The following GRID2 variants were observed in gnomAD, a reference collection of about 807,000 sequenced individuals.
GRID2 encodes glutamate ionotropic receptor delta type subunit 2, also known as glutamate receptor ionotropic, delta-2.
GRID2 carries 33 observed loss-of-function variants against 114.8 expected under a neutral mutation model. That is an observed-to-expected ratio of 0.29 (90% CI 0.22 to 0.38). GRID2 has a LOEUF of 0.38. Among genes scored for constraint, GRID2 ranks in the 10% least tolerant of loss-of-function variants. The pLI is 1.00. For synonymous variants in GRID2, 505 were observed against 449.9 expected (o/e 1.12, Z -1.55); for missense variants, 1,184 against 1,257.7 (o/e 0.94, Z 0.89).
chr4:93,715,425 G>A (rs184632631), intron 14 of GRID2, among the ~76,000 whole-genome samples: 172 of 152,194 alleles, frequency 1.1e-3, no homozygotes, highest in Admixed American at 2.0e-3. Flanking sequence ...CTCTTTTGTC[G>A]TTCCATATGA....
chr4:92,397,303 A>T (rs958330254), intron 1 of GRID2, among the ~76,000 whole-genome samples: 1 of 151,706 alleles, frequency 6.6e-6, no homozygotes, highest in Non-Finnish European at 1.5e-5. Flanking sequence ...AAGAAAAAAC[A>T]GCTGAGAGGA....
intron 2 of GRID2, among the ~76,000 whole-genome samples, chr4:92,910,507 T>C (rs1748292735): frequency 6.6e-6 from 1 of 152,178 alleles, no homozygotes; most frequent in African/African-American, 2.4e-5. Flanking sequence ...GTAGAGACAG[T>C]AGGCCACTAA....
At chr4:93,791,421 G>A (rs1303010936) in intron 1 of GRID2, among the ~76,000 whole-genome samples, 3 of 152,054 alleles carry the variant, frequency 2.0e-5, no homozygotes, top group Admixed American at 2.0e-4. Flanking sequence ...AAGGCAAGTT[G>A]AAAATTAGTA....
At chr4:93,574,858 C>A (rs1736267242) in intron 13 of GRID2, among the ~76,000 whole-genome samples, 1 of 152,200 alleles carries the variant, frequency 6.6e-6, no homozygotes, top group African/African-American at 2.4e-5. Context: ...TGAGCTAACA[C>A]AATAAGGGTT....
At chr4:93,151,341 T>C (rs1045233430) in intron 4 of GRID2, among the ~76,000 whole-genome samples, 16 of 151,980 alleles carry the variant, frequency 1.1e-4, no homozygotes, top group African/African-American at 3.9e-4. Context: ...CAGGTGCTTC[T>C]ATCTGCCTCC....
chr4:93,614,251 A>T (rs1161591238), intron 13 of GRID2, among the ~76,000 whole-genome samples: 1 of 152,110 alleles, frequency 6.6e-6, no homozygotes, highest in Non-Finnish European at 1.5e-5. Flanking sequence ...CTCAGATGGA[A>T]ATGCAGAAAT....
At chr4:93,721,312 A>C (rs1486075729) in intron 14 of GRID2, among the ~76,000 whole-genome samples, 1 of 152,220 alleles carries the variant, frequency 6.6e-6, no homozygotes, top group Non-Finnish European at 1.5e-5. Flanking sequence ...TGGATGGATC[A>C]AAGTGTCAAT....
chr4:93,236,104 TGTA>T (rs1236788313), intron 7 of GRID2, among the ~76,000 whole-genome samples: 24 of 151,960 alleles, frequency 1.6e-4, no homozygotes, highest in African/African-American at 4.8e-5. Context: ...TGAACTTACT[TGTA>T]GTAATATAAG....
intron 4 of GRID2, among the ~76,000 whole-genome samples, chr4:93,143,597 T>G (rs558330533): frequency 6.6e-6 from 1 of 152,232 alleles, no homozygotes; most frequent in Non-Finnish European, 1.5e-5. Flanking sequence ...ATTATTACAC[T>G]ATTACATTCC....
At chr4:93,562,829 G>A (rs1735050921) in intron 13 of GRID2, among the ~76,000 whole-genome samples, 1 of 151,960 alleles carries the variant, frequency 6.6e-6, no homozygotes, top group African/African-American at 2.4e-5. Flanking sequence ...CTTTGTCAAA[G>A]ATCAAATTAC....
intron 8 of GRID2, among the ~76,000 whole-genome samples, chr4:93,394,643 G>A (rs1434681355): frequency 6.6e-6 from 1 of 151,946 alleles, no homozygotes; most frequent in Non-Finnish European, 1.5e-5. Context: ...AATCAAAACA[G>A]TCTCTGAATA....
At chr4:93,801,274 T>G (rs1002590123) in intron 1 of GRID2, among the ~76,000 whole-genome samples, 9 of 152,268 alleles carry the variant, frequency 5.9e-5, no homozygotes, top group South Asian at 2.1e-4. Flanking sequence ...AGGTGTATTT[T>G]AGAGACCTGA....
At chr4:92,587,685 A>G (rs919072804) in intron 1 of GRID2, among the ~76,000 whole-genome samples, 1 of 152,202 alleles carries the variant, frequency 6.6e-6, no homozygotes, top group East Asian at 1.9e-4. Flanking sequence ...TTGCAGAAAG[A>G]TGAACTGTTT....
chr4:92,493,584 T>G (rs1484939007), intron 1 of GRID2, among the ~76,000 whole-genome samples: 1 of 152,194 alleles, frequency 6.6e-6, no homozygotes, highest in Admixed American at 6.5e-5. Flanking sequence ...TCACTCACAT[T>G]TCTATCCCAC....
intron 14 of GRID2, among the ~76,000 whole-genome samples, chr4:93,631,917 G>A (rs1476631343): frequency 6.6e-6 from 1 of 152,192 alleles, no homozygotes; most frequent in Non-Finnish European, 1.5e-5. Context: ...TCTAACTGCT[G>A]TGAGATGGTA....
chr4:93,007,959 C>T (rs1721726134), intron 2 of GRID2, among the ~76,000 whole-genome samples: 1 of 145,638 alleles, frequency 6.9e-6, no homozygotes, highest in Non-Finnish European at 1.5e-5. Flanking sequence ...GAGAACTGCC[C>T]AGGAAGTGGA....
Position 92,458,090 on chromosome 4 carries a change from T to C in GRID2, c.89-132041T>C, listed in dbSNP as rs1189780381. On this transcript the variant is annotated intron_variant, in intron 1 of 15. Transcript: ENST00000282020. The stretch of plus-strand genomic sequence containing the variant: ...CAACACAACTGATACGTTTGAACTA[T>C]GCTGAAAAGTTCTCCTGGCTGAAAA... 2.0e-5 allele frequency among the ~76,000 whole-genome samples: 3 copies of C among 152,218 alleles called. No individual in the cohort carries two copies. In the East Asian group the frequency reaches 5.8e-4, roughly 29 times the overall value.
intron 13 of GRID2, among the ~76,000 whole-genome samples, chr4:93,543,710 T>TAGAGAGAGAGAGAGAGAGAGAGAG (rs34742442): frequency 2.9e-4 from 39 of 133,590 alleles, no homozygotes; most frequent in African/African-American, 1.1e-3. Context: ...GAGTGAGAGA[T>TAGAGAGAGAGAGAGAGAGAGAGAG]AGAGAGAGAG....
intron 2 of GRID2, among the ~76,000 whole-genome samples, chr4:93,054,783 C>A (rs1240563253): frequency 6.6e-6 from 1 of 151,146 alleles, no homozygotes; most frequent in Non-Finnish European, 1.5e-5. Flanking sequence ...CCTTTGAAAT[C>A]TGGAAGAGAA....
Sources: gnomAD v4.1 joint callset for allele counts (sites outside exome capture counted in the v4.1 genomes callset) on GRCh38, gnomAD v4.1.1 for gene constraint, MANE v1.5 for transcripts, NCBI Gene and HGNC (gene_info 2026-07-23, HGNC 2026-07-21) for gene names.